PABPC4L: variants seen among roughly 807,000 people sequenced by gnomAD.
PABPC4L encodes the protein poly(A) binding protein cytoplasmic 4 like.
For synonymous variants in PABPC4L, 169 were observed against 164.1 expected (o/e 1.03, Z -0.23); for missense variants, 452 against 451.4 (o/e 1.00, Z -0.01).
the PABPC4L span, among the ~76,000 whole-genome samples, chr4:134,073,920 G>A: frequency 2.0e-5 from 3 of 152,162 alleles, no homozygotes; most frequent in Non-Finnish European, 4.4e-5. Flanking sequence ...GAGCAGGGGA[G>A]CCCTGGGTGT....
the PABPC4L span, among the ~76,000 whole-genome samples, chr4:133,967,567 T>G: frequency 6.6e-6 from 1 of 152,294 alleles, no homozygotes; most frequent in African/African-American, 2.4e-5. Context: ...ATATTTGGAC[T>G]TTAAATAGAA....
the PABPC4L span, among the ~76,000 whole-genome samples, chr4:134,041,578 G>C: frequency 2.0e-5 from 3 of 151,996 alleles, no homozygotes; most frequent in African/African-American, 7.2e-5. Context: ...GGCCTGTCAG[G>C]GGATGGGAGG....
the PABPC4L span, among the ~76,000 whole-genome samples, chr4:133,957,084 G>GC: frequency 6.6e-6 from 1 of 152,056 alleles, no homozygotes; most frequent in Non-Finnish European, 1.5e-5. Flanking sequence ...CTTTACAACA[G>GC]CCCCCAAATG....
At chr4:134,084,437 T>A in the PABPC4L span, among the ~76,000 whole-genome samples, 1 of 152,328 alleles carries the variant, frequency 6.6e-6, no homozygotes, top group Non-Finnish European at 1.5e-5. Flanking sequence ...ATTTTTATTT[T>A]AATTATTTCA....
At chr4:133,955,025 T>A in the PABPC4L span, among the ~76,000 whole-genome samples, 1 of 152,040 alleles carries the variant, frequency 6.6e-6, no homozygotes, top group Non-Finnish European at 1.5e-5. Flanking sequence ...TTTGTTCCTA[T>A]TACAAACATA....
the PABPC4L span, among the ~76,000 whole-genome samples, chr4:134,013,552 T>C: frequency 6.6e-6 from 1 of 152,050 alleles, no homozygotes; most frequent in Non-Finnish European, 1.5e-5. Context: ...CAATACAAAC[T>C]CAACAGTAGT....
the PABPC4L span, among the ~76,000 whole-genome samples, chr4:134,036,658 A>G: frequency 9.9e-5 from 15 of 152,210 alleles, no homozygotes; most frequent in South Asian, 1.7e-3. Context: ...CTTTTTGCTG[A>G]ACATTCTCTA....
chr4:134,135,206 C>A, the PABPC4L span, among the ~76,000 whole-genome samples: 2 of 151,960 alleles, frequency 1.3e-5, no homozygotes, highest in African/African-American at 2.4e-5. Context: ...GCTCTGCTAC[C>A]GTTTATGATT....
chr4:134,034,950 C>T, the PABPC4L span, among the ~76,000 whole-genome samples: 1 of 151,938 alleles, frequency 6.6e-6, no homozygotes, highest in Non-Finnish European at 1.5e-5. Flanking sequence ...TGTTGTAAAA[C>T]AGCATCACAT....
chr4:133,998,828 A>G, the PABPC4L span, among the ~76,000 whole-genome samples: 2 of 151,858 alleles, frequency 1.3e-5, no homozygotes, highest in Admixed American at 6.6e-5. Context: ...AGTTTAATTG[A>G]GAGTGCAATT....
At chr4:134,060,370 A>T in the PABPC4L span, among the ~76,000 whole-genome samples, 1 of 151,826 alleles carries the variant, frequency 6.6e-6, no homozygotes, top group Non-Finnish European at 1.5e-5. Context: ...AGGGCAACTA[A>T]GGGAGCACTT....
chr4:133,997,190 TAAAAGG>T, the PABPC4L span, among the ~76,000 whole-genome samples: 2 of 152,242 alleles, frequency 1.3e-5, no homozygotes, highest in East Asian at 1.9e-4. Context: ...AGTGCTCAAG[TAAAAGG>T]AAGAGTCAGG....
At chr4:134,009,047 A>C in the PABPC4L span, among the ~76,000 whole-genome samples, 1 of 151,964 alleles carries the variant, frequency 6.6e-6, no homozygotes, top group South Asian at 2.1e-4. Context: ...AAACACCAAA[A>C]TATTAGTTGT....
chr4:134,143,934 C>T, the PABPC4L span, among the ~76,000 whole-genome samples: 1 of 151,388 alleles, frequency 6.6e-6, no homozygotes, highest in African/African-American at 2.4e-5. Context: ...GCATATTTTA[C>T]TTATGACAAC....
chr4:134,168,565 A>G, the PABPC4L span, among the ~76,000 whole-genome samples: 1 of 151,944 alleles, frequency 6.6e-6, no homozygotes, highest in Admixed American at 6.6e-5. Context: ...AAATAAATAA[A>G]ATCAAAGAGA....
At chr4:134,005,044 T>C in the PABPC4L span, among the ~76,000 whole-genome samples, 1 of 151,848 alleles carries the variant, frequency 6.6e-6, no homozygotes. Context: ...AAATCTATTG[T>C]ACAGCATGGT....
chr4:134,072,946 C>T, the PABPC4L span, among the ~76,000 whole-genome samples: 1 of 152,074 alleles, frequency 6.6e-6, no homozygotes, highest in Non-Finnish European at 1.5e-5. Context: ...CAGTGGGTCC[C>T]TCCCATGACA....
chr4:134,033,588 A>G, the PABPC4L span, among the ~76,000 whole-genome samples: 12 of 152,014 alleles, frequency 7.9e-5, no homozygotes, highest in Non-Finnish European at 1.5e-4. Flanking sequence ...TAGTGAACAT[A>G]CAAATGATAA....
the PABPC4L span, among the ~76,000 whole-genome samples, chr4:134,117,186 T>TA: frequency 2.8e-4 from 43 of 151,844 alleles, no homozygotes; most frequent in African/African-American, 1.0e-3. Flanking sequence ...CTGACACTTC[T>TA]ACCATGGTGA....
Sources: allele counts gnomAD v4.1 joint callset (sites outside exome capture counted in the v4.1 genomes callset), GRCh38; gene constraint gnomAD v4.1.1; transcripts MANE v1.5; gene names NCBI Gene and HGNC (gene_info 2026-07-23, HGNC 2026-07-21).